DPF3: variants seen among roughly 807,000 people sequenced by gnomAD.
The protein encoded by DPF3 is zinc finger protein DPF3.
DPF3 carries 18 observed loss-of-function variants against 56.8 expected under a neutral mutation model. The ratio of observed to expected loss-of-function variants is 0.32; its 90% CI spans 0.22 to 0.47. DPF3 has a LOEUF of 0.47. Ranked by LOEUF, DPF3 falls within the 20% of genes least tolerant of loss-of-function variation. The probability of loss-of-function intolerance (pLI) is 1.00; values close to 1 mark genes in which losing one functional copy is unlikely to be tolerated. For missense variants in DPF3, 403 were observed against 488.8 expected (o/e 0.82, Z 1.65); for synonymous variants, 188 against 180.2 (o/e 1.04, Z -0.35).
At chr14:72,847,860 A>G (rs1313376242) in intron 1 of DPF3, among the ~76,000 whole-genome samples, 2 of 152,140 alleles carry the variant, frequency 1.3e-5, no homozygotes, top group African/African-American at 4.8e-5. Context: ...AGTTTCACCC[A>G]AGCCTATGGC....
At position 72,612,353 on chromosome 14, in the gene DPF3, C is replaced by T; in HGVS notation, c.*6944G>A. ...TACCCCGCCTCTCTCCAGCCACCTG[C>T]TCCCCACCTCCTCTGCTCTGAGATA... is the stretch of plus-strand genomic sequence containing the variant. On this transcript the variant is annotated 3_prime_UTR_variant, in exon 11 of 11. Transcript: ENST00000556509. 4.5e-6 allele frequency: 2 copies of T among 447,156 alleles called. No homozygotes were observed. Among genetic ancestry groups the T allele is most frequent in the South Asian group, 1.7e-5 (1 of 58,004 alleles). 27.7% of individuals were successfully genotyped at this position (447,156 alleles called of 1,614,324 possible).
In DPF3 at chr14:72,616,373, T is replaced by A. The variant is rs575969718; in HGVS notation, c.*2924A>T. On this transcript the variant is annotated 3_prime_UTR_variant, in exon 11 of 11. Transcript: ENST00000556509. ...CTTCATTTTAAAGTCCCCAACCCCA[T>A]GTACATCCCTCACCTCCACCCCACA... Among the ~76,000 whole-genome samples, 92 of 152,250 alleles carry A rather than the reference T, an allele frequency of 6.0e-4. No individual in the cohort carries two copies. Among genetic ancestry groups the A allele is most frequent in the African/African-American group, 2.0e-3 (82 of 41,536 alleles).
rs71109748 is a variant in DPF3, at chr14:72,795,295, A to AAT, written c.33-23404_33-23403dup. On this transcript the variant is annotated intron_variant, in intron 1 of 10. Transcript: ENST00000556509. ...TTTTTGACAAAAAAAAAAAAAAAAAAATATATATATATATATATATATAAG... is the reference window on the plus strand; with the variant it reads ...TTTTTGACAAAAAAAAAAAAAAAAAAATATATATATATATATATATATATAAG... Among the ~76,000 whole-genome samples the AAT allele has an allele frequency of 9.8e-4, 101 of 102,878 alleles. 1 individual carries two copies. The highest frequency in any genetic ancestry group is 4.7e-3 in the Middle Eastern group (1 of 214). 67.5% of individuals were successfully genotyped at this position (102,878 alleles called of 152,430 possible).
rs924248421 is a variant in DPF3, at chr14:72,892,603, G to A, written c.32+1454C>T. On this transcript the variant is annotated intron_variant, in intron 1 of 10. Transcript: ENST00000556509. ...GGAACCCCCTACCGTCCCCGGGAGCGAACCTGGTTTTCAACTCCAGGAGTG... is the reference window on the plus strand; with the variant it reads ...GGAACCCCCTACCGTCCCCGGGAGCAAACCTGGTTTTCAACTCCAGGAGTG... 12 of 1,232,568 alleles carry A rather than the reference G, an allele frequency of 9.7e-6. No individual in the cohort carries two copies. The Admixed American group carries it at 3.6e-4, about 37-fold the overall frequency. 76.4% of individuals were successfully genotyped at this position (1,232,568 alleles called of 1,614,324 possible). A position where few individuals can be genotyped will look rare whatever the true frequency, so the allele number is the denominator to read the frequency against.
chr14:72,660,294 A>T (rs10483848), intron 8 of DPF3, among the ~76,000 whole-genome samples: 9,147 of 152,226 alleles, frequency 0.06, 824 homozygotes, highest in African/African-American at 0.19. Flanking sequence ...CTGCTAGGAA[A>T]ACTTACAAAG....
chr14:72,818,560 C>T (rs58956991), intron 1 of DPF3, among the ~76,000 whole-genome samples: 2,096 of 152,254 alleles, frequency 0.014, 47 homozygotes, highest in African/African-American at 0.048. Context: ...GCCTGCCGTC[C>T]CAGCTACATC....
chr14:72,639,686 T>G (rs1031641232), intron 8 of DPF3, among the ~76,000 whole-genome samples: 4 of 152,018 alleles, frequency 2.6e-5, no homozygotes, highest in African/African-American at 9.7e-5. Flanking sequence ...AAGTGAGCCT[T>G]CAGATGAGAC....
chr14:72,854,856 AG>A (rs1435714781), intron 1 of DPF3, among the ~76,000 whole-genome samples: 3 of 152,184 alleles, frequency 2.0e-5, no homozygotes, highest in Admixed American at 6.5e-5. Flanking sequence ...AAGTCACCAG[AG>A]GGAGCCCAAA....
intron 6 of DPF3, among the ~76,000 whole-genome samples, chr14:72,696,898 C>G (rs1012950075): frequency 2.6e-5 from 4 of 152,152 alleles, no homozygotes; most frequent in Non-Finnish European, 4.4e-5. Flanking sequence ...TTTTAAAAGC[C>G]CTCTAGGTGA....
At chr14:72,676,464 G>A (rs1210813424) in intron 7 of DPF3, among the ~76,000 whole-genome samples, 1 of 152,186 alleles carries the variant, frequency 6.6e-6, no homozygotes, top group African/African-American at 2.4e-5. Flanking sequence ...GGATGAGTAA[G>A]TAAAATATAG....
intron 1 of DPF3, among the ~76,000 whole-genome samples, chr14:72,870,291 C>T (rs1322110534): frequency 6.6e-6 from 1 of 152,186 alleles, no homozygotes; most frequent in African/African-American, 2.4e-5. Flanking sequence ...TCCTCAGCCA[C>T]TTTGGTCTAA....
intron 1 of DPF3, among the ~76,000 whole-genome samples, chr14:72,866,237 C>G (rs1402997203): frequency 6.6e-6 from 1 of 151,250 alleles, no homozygotes; most frequent in Admixed American, 6.6e-5. Flanking sequence ...AGACTGAGGT[C>G]ACCTCAGTCT....
At chr14:72,860,552 A>ATTCTTTTTCTTT (rs55841508) in intron 1 of DPF3, among the ~76,000 whole-genome samples, 12 of 149,312 alleles carry the variant, frequency 8.0e-5, no homozygotes, top group Admixed American at 3.3e-4. Flanking sequence ...CTGCAGCTTA[A>ATTCTTTTTCTTT]TTCTTTTTCT....
chr14:72,680,155 G>T (rs1887097884), intron 7 of DPF3, among the ~76,000 whole-genome samples: 1 of 152,232 alleles, frequency 6.6e-6, no homozygotes, highest in Non-Finnish European at 1.5e-5. Flanking sequence ...AGAGGGCAAA[G>T]GGAGCATCAA....
chr14:72,768,154 G>C (rs1891368584), intron 2 of DPF3, among the ~76,000 whole-genome samples: 1 of 152,150 alleles, frequency 6.6e-6, no homozygotes. Flanking sequence ...GCTAAAGAAA[G>C]TACTACATCA....
intron 6 of DPF3, among the ~76,000 whole-genome samples, chr14:72,703,333 C>T (rs998454385): frequency 6.6e-6 from 1 of 152,100 alleles, no homozygotes; most frequent in East Asian, 1.9e-4. Flanking sequence ...TTTCTTGGGG[C>T]CTGGTGGTGA....
intron 7 of DPF3, among the ~76,000 whole-genome samples, chr14:72,692,314 A>G (rs1887724554): frequency 6.6e-6 from 1 of 152,170 alleles, no homozygotes; most frequent in South Asian, 2.1e-4. Flanking sequence ...TAAAGATTCC[A>G]TTATCCCATT....
intron 3 of DPF3, 45 bp from the exon 4 acceptor site, chr14:72,731,979 G>T (rs1376508978): frequency 6.4e-7 from 1 of 1,553,558 alleles, no homozygotes. Flanking sequence ...CTAGAAGCAG[G>T]CAGGGCAGGA....
chr14:72,679,996 C>T (rs1037418844), intron 7 of DPF3, among the ~76,000 whole-genome samples: 1 of 152,140 alleles, frequency 6.6e-6, no homozygotes, highest in Non-Finnish European at 1.5e-5. Context: ...CCTGCTACCT[C>T]GGCCTAGCCT....
Sources: allele counts gnomAD v4.1 joint callset (sites outside exome capture counted in the v4.1 genomes callset), GRCh38; gene constraint gnomAD v4.1.1; transcripts MANE v1.5; gene names NCBI Gene and HGNC (gene_info 2026-07-23, HGNC 2026-07-21).